Variants in PPP1R9A observed in about 807,000 individuals in gnomAD.
PPP1R9A encodes protein phosphatase 1 regulatory subunit 9A, also known as neurabin-1.
PPP1R9A carries 59 observed loss-of-function variants against 141.9 expected under a neutral mutation model. That is an observed-to-expected ratio of 0.42 (90% CI 0.34 to 0.52). The LOEUF is 0.52. Ranked by LOEUF, PPP1R9A falls within the 20% of genes least tolerant of loss-of-function variation. PPP1R9A has a pLI of 0.10. For synonymous variants in PPP1R9A, 500 were observed against 569.7 expected (o/e 0.88, Z 1.74); for missense variants, 1,444 against 1,611.9 (o/e 0.90, Z 1.78).
chr7:94,952,406 A>G (rs966268284), intron 2 of PPP1R9A, among the ~76,000 whole-genome samples: 2 of 152,206 alleles, frequency 1.3e-5, no homozygotes, highest in Non-Finnish European at 1.5e-5. Flanking sequence ...CAGTGCTGCA[A>G]TAAACATACA....
chr7:95,251,830 T>C lies in PPP1R9A; in HGVS notation c.2465T>C (p.Leu822Pro), dbSNP rs1283307833. Residue 822 changes from leucine (L) to proline (P), a missense_variant, in exon 11 of 20, where the codon CTT (leucine) becomes CCT (proline). Leu to Pro is a moderately conservative substitution (Grantham distance 98). Transcript: ENST00000433360. The stretch of plus-strand genomic sequence containing the variant: ...ATAGAAGATTTGGAAAAAGCTCATC[T>C]TGTGGAAGTGCAAGGCCTCCAAGTG... ...KKIEDLEKAH[L>P]VEVQGLQVRI... 4.3e-6 allele frequency: 7 copies of C among 1,613,814 alleles called. No individual in the cohort carries two copies. Among genetic ancestry groups the C allele is most frequent in the Non-Finnish European group, 5.9e-6 (7 of 1,179,908 alleles).
At chr7:94,996,750 G>A (rs975681527) in intron 2 of PPP1R9A, among the ~76,000 whole-genome samples, 2 of 149,998 alleles carry the variant, frequency 1.3e-5, no homozygotes, top group East Asian at 3.9e-4. Context: ...TTGTATTGCA[G>A]TGTGTTAAAA....
rs1411793543 is a variant in PPP1R9A at position 94,909,950 on chromosome 7, G to C, written c.-164G>C. 4 of 563,204 alleles carry C rather than the reference G, an allele frequency of 7.1e-6. No homozygotes were observed. Among genetic ancestry groups the C allele is most frequent in the Admixed American group, 3.3e-5 (1 of 30,470 alleles). 34.9% of individuals were successfully genotyped at this position (563,204 alleles called of 1,614,324 possible). On this transcript the variant is annotated 5_prime_UTR_variant, in exon 2 of 20. Transcript: ENST00000433360. Reference sequence around the variant, plus strand: ...ATCATTCTGTGTAACTCTTGACTGTGACTAAGTTCCTAATACACCTGTTGG... The same window carrying C: ...ATCATTCTGTGTAACTCTTGACTGTCACTAAGTTCCTAATACACCTGTTGG...
At position 95,250,263 on chromosome 7, in the gene PPP1R9A, G is replaced by A. The variant is rs770416934; in HGVS notation, c.2396+8G>A. 35 of 1,591,320 alleles carry A rather than the reference G, an allele frequency of 2.2e-5. No homozygotes were observed. Among genetic ancestry groups the A allele is most frequent in the Middle Eastern group, 1.7e-4 (1 of 5,984 alleles). On this transcript the variant is annotated splice_region_variant and intron_variant, in intron 10 of 19. Transcript: ENST00000433360. ...CAAGGATTTTCAACAAAAGTAAGCC[G>A]CTTCTAATAACTAAAGAATAGTTAT...
chr7:95,025,936 G>C (rs944987097), intron 2 of PPP1R9A, among the ~76,000 whole-genome samples: 2 of 152,114 alleles, frequency 1.3e-5, no homozygotes, highest in Non-Finnish European at 2.9e-5. Flanking sequence ...GATCATTTAT[G>C]TTCTTCTCTA....
intron 4 of PPP1R9A, among the ~76,000 whole-genome samples, chr7:95,132,966 C>T (rs1260238862): frequency 6.6e-6 from 1 of 152,154 alleles, no homozygotes; most frequent in African/African-American, 2.4e-5. Context: ...AGATCGTTTG[C>T]TCCTGCTGCC....
chr7:94,946,196 AT>A (rs371946469), intron 2 of PPP1R9A, among the ~76,000 whole-genome samples: 5 of 151,496 alleles, frequency 3.3e-5, no homozygotes, highest in African/African-American at 4.8e-5. Flanking sequence ...AATAAGAGTG[AT>A]TTTTTTTTCA....
At chr7:95,095,178 G>A (rs1234734508) in intron 2 of PPP1R9A, among the ~76,000 whole-genome samples, 2 of 152,174 alleles carry the variant, frequency 1.3e-5, no homozygotes, top group African/African-American at 4.8e-5. Flanking sequence ...ACAGATGATT[G>A]CTGCATTTGA....
chr7:95,102,888 A>G (rs1818977540), intron 2 of PPP1R9A, among the ~76,000 whole-genome samples: 1 of 152,216 alleles, frequency 6.6e-6, no homozygotes, highest in East Asian at 1.9e-4. Flanking sequence ...TTGGTAGGCC[A>G]CAGTACCCAG....
intron 2 of PPP1R9A, among the ~76,000 whole-genome samples, chr7:95,070,134 G>T (rs1198611280): frequency 6.6e-6 from 1 of 152,032 alleles, no homozygotes; most frequent in East Asian, 1.9e-4. Context: ...AGGTTTCCAG[G>T]CTATTGGCTT....
intron 2 of PPP1R9A, among the ~76,000 whole-genome samples, chr7:94,977,460 C>G (rs1055359982): frequency 6.6e-6 from 1 of 151,980 alleles, no homozygotes; most frequent in African/African-American, 2.4e-5. Context: ...GCTGATGGTT[C>G]GACTAAGATG....
At chr7:95,244,625 A>G (rs1194415037) in intron 8 of PPP1R9A, among the ~76,000 whole-genome samples, 4 of 152,190 alleles carry the variant, frequency 2.6e-5, no homozygotes, top group Non-Finnish European at 5.9e-5. Flanking sequence ...TCACTTGCCC[A>G]TAGTGCAGTG....
chr7:95,216,773 G>T (rs921865068), intron 7 of PPP1R9A, among the ~76,000 whole-genome samples: 17 of 152,120 alleles, frequency 1.1e-4, no homozygotes, highest in African/African-American at 4.1e-4. Flanking sequence ...CTGTTTGTCT[G>T]TTATTGGTGT....
chr7:95,181,551 AATAT>A (rs895876946), intron 5 of PPP1R9A, among the ~76,000 whole-genome samples: 1 of 138,248 alleles, frequency 7.2e-6, no homozygotes. Flanking sequence ...ATAGAGAGAG[AATAT>A]ATATAGAATA....
Position 94,910,238 on chromosome 7 carries a change from A to T in PPP1R9A, c.125A>T (p.Glu42Val), listed in dbSNP as rs140152346. The T allele has an allele frequency of 3.1e-4, 497 of 1,613,998 alleles. No homozygotes were observed. The highest frequency in any genetic ancestry group is 4.1e-4 in the Non-Finnish European group (483 of 1,180,022). Residue 42 changes from glutamate (E) to valine (V), a missense_variant, in exon 2 of 20, where the codon GAA (glutamate) becomes GTA (valine). Around this residue, in one of 5 missense-constraint regions of PPP1R9A, gnomAD observed 490 missense variants for 521.1 expected, o/e 0.94. Transcript: ENST00000433360. The surrounding 1 kb of genome is among the most constrained non-coding windows in gnomAD (Gnocchi z 4.5). ...STFDKPKSDG[E>V]QKTKEGEGSQ... ...TTTGACAAACCCAAGTCAGATGGGG[A>T]ACAAAAAACAAAAGAAGGTGAGGGC...
rs1367164858 is a variant in PPP1R9A at position 95,084,888 on chromosome 7, C to G, written c.1396-26371C>G. Among the ~76,000 whole-genome samples the G allele has an allele frequency of 3.3e-5, 5 of 151,932 alleles. 1 individual carries two copies. Among genetic ancestry groups the G allele is most frequent in the African/African-American group, 1.2e-4 (5 of 41,242 alleles). Reference sequence around the variant, plus strand: ...CCATGCTGCAGTGAGTATCCTTGTGCACGTTTACATAGGCACATGAGCAAG... The same window carrying G: ...CCATGCTGCAGTGAGTATCCTTGTGGACGTTTACATAGGCACATGAGCAAG... On this transcript the variant is annotated intron_variant, in intron 2 of 19. Transcript: ENST00000433360.
intron 8 of PPP1R9A, 52 bp from the exon 9 acceptor site, chr7:95,247,421 A>C: frequency 6.8e-7 from 1 of 1,463,960 alleles, no homozygotes; most frequent in South Asian, 1.2e-5. Context: ...AGGCTTTACA[A>C]ATATAGATAC....
At chr7:94,970,011 G>T (rs1798685786) in intron 2 of PPP1R9A, among the ~76,000 whole-genome samples, 1 of 152,122 alleles carries the variant, frequency 6.6e-6, no homozygotes, top group Non-Finnish European at 1.5e-5. Flanking sequence ...CCAAGCTGGG[G>T]TGTCCCAGGT....
intron 4 of PPP1R9A, among the ~76,000 whole-genome samples, chr7:95,137,431 A>AG (rs1403629571): frequency 6.6e-6 from 1 of 151,758 alleles, no homozygotes; most frequent in Non-Finnish European, 1.5e-5. Flanking sequence ...AAAAAAAAAA[A>AG]AAAAAAAGAT....
Sources: allele counts gnomAD v4.1 joint callset (sites outside exome capture counted in the v4.1 genomes callset), GRCh38; gene constraint gnomAD v4.1.1; regional missense constraint gnomAD v4.1.1; non-coding constraint Gnocchi (gnomAD v3.1); transcripts MANE v1.5; gene names NCBI Gene and HGNC (gene_info 2026-07-23, HGNC 2026-07-21).